NEURL1B: variants seen among roughly 807,000 people sequenced by gnomAD.
NEURL1B encodes E3 ubiquitin-protein ligase NEURL1B.
NEURL1B carries 13 observed loss-of-function variants against 37.4 expected under a neutral mutation model. The ratio of observed to expected loss-of-function variants is 0.35; its 90% CI spans 0.23 to 0.55. The LOEUF (loss-of-function observed/expected upper bound fraction) is 0.55. Ranked by LOEUF, NEURL1B falls within the 20% of genes least tolerant of loss-of-function variation. The pLI is 0.89. For synonymous variants in NEURL1B, 432 were observed against 426.6 expected, an observed-to-expected ratio of 1.01 and a Z score of -0.16; for missense variants, 790 against 879.2, an observed-to-expected ratio of 0.90 and a Z score of 1.28.
At chr5:172,651,638 T>C (rs572098268) in intron 1 of NEURL1B, among the ~76,000 whole-genome samples, 2 of 152,362 alleles carry the variant, frequency 1.3e-5, no homozygotes, top group East Asian at 3.9e-4. Flanking sequence ...GCCATCTGGC[T>C]AGTAGCCCCA....
In NEURL1B at chr5:172,688,628, T is replaced by C. The variant is rs533048889; in HGVS notation, c.*1703T>C. On this transcript the variant is annotated 3_prime_UTR_variant, in exon 5 of 5. Transcript: ENST00000369800. This position sits in a 1 kb window ranked among gnomAD's most constrained non-coding sequence, Gnocchi z 4.3. Reference sequence around the variant, plus strand: ...GAGTAATCACAGTTGTCTGACCTGATTCCAACTTAAGGTCCCCACTCTCTT... The same window carrying C: ...GAGTAATCACAGTTGTCTGACCTGACTCCAACTTAAGGTCCCCACTCTCTT... 3 of 152,366 alleles carry C rather than the reference T, an allele frequency of 2.0e-5. No homozygotes were observed. In the East Asian group the frequency reaches 5.8e-4, roughly 29 times the overall value. The allele number at this position is 152,366 out of a possible 1,614,324, so 9.4% of individuals were successfully genotyped here. A position where few individuals can be genotyped will look rare whatever the true frequency, so the allele number is the denominator to read the frequency against.
chr5:172,654,746 G>T lies in NEURL1B; in HGVS notation c.31+13309G>T, dbSNP rs568625622. The stretch of plus-strand genomic sequence containing the variant: ...GTACTGGGTTAGGGATTTTTGATAG[G>T]AAGGCTATGGGTTGTCAGTGGCCTC... On this transcript the variant is annotated intron_variant, in intron 1 of 4. Coordinates refer to ENST00000369800, the MANE Select transcript of NEURL1B (RefSeq NM_001142651.3). Among the ~76,000 whole-genome samples the T allele has an allele frequency of 2.6e-5, 4 of 152,238 alleles. No individual in the cohort carries two copies. In the East Asian group the frequency reaches 7.7e-4, roughly 29 times the overall value.
chr5:172,668,278 T>C (rs1230835696), intron 1 of NEURL1B, among the ~76,000 whole-genome samples: 1 of 152,172 alleles, frequency 6.6e-6, no homozygotes, highest in African/African-American at 2.4e-5. Flanking sequence ...TCCCTTCATA[T>C]GTGTTAAGTA....
In NEURL1B at chr5:172,686,817, CAT is replaced by C. The variant is rs1299344879; in HGVS notation, c.1561_1562del (p.Met521ValfsTer30). The C allele has an allele frequency of 4.5e-6, 7 of 1,551,888 alleles. No homozygotes were observed. Among genetic ancestry groups the C allele is most frequent in the Admixed American group, 2.0e-5 (1 of 51,062 alleles). The stretch of plus-strand genomic sequence containing the variant: ...ACACGGTCATCTACACGTGTGGACA[CAT>C]GTGCCTGTGCCACAGCTGCGGCCTG... ...VDTVIYTCGH[M>X]CLCHSCGLRL... is the part of the protein sequence containing the mutation. On this transcript the variant is annotated frameshift_variant, in exon 5 of 5. Coordinates refer to ENST00000369800, the MANE Select transcript of NEURL1B (RefSeq NM_001142651.3). LOFTEE classifies it high-confidence loss of function. This position sits in a 1 kb window ranked among gnomAD's most constrained non-coding sequence, Gnocchi z 7.9.
intron 3 of NEURL1B, among the ~76,000 whole-genome samples, chr5:172,685,238 A>G (rs549975268): frequency 1.4e-4 from 21 of 152,340 alleles, no homozygotes; most frequent in African/African-American, 5.0e-4. Flanking sequence ...ATCAGTGGTA[A>G]CAGTAACAAC....
chr5:172,684,158 T>G lies in NEURL1B; in HGVS notation c.1297+20T>G. ...TCCTCGGTGAGTCCCCGGCCCCGCG[T>G]GCGCGAGGCCCCGCCCCTCCCCCGT... On this transcript the variant is annotated intron_variant, in intron 3 of 4. Coordinates refer to ENST00000369800, the MANE Select transcript of NEURL1B (RefSeq NM_001142651.3). 6 of 1,220,270 alleles carry G rather than the reference T, an allele frequency of 4.9e-6. No homozygotes were observed. The highest frequency in any genetic ancestry group is 6.1e-6 in the Non-Finnish European group (6 of 979,590). 75.6% of individuals were successfully genotyped at this position (1,220,270 alleles called of 1,614,324 possible).
At position 172,661,526 on chromosome 5, in the gene NEURL1B, C is replaced by T. The variant is rs978655009; in HGVS notation, c.32-8259C>T. ...TCTGGGAAATCAAGGTGGTAAAACC[C>T]ACTCTGCAGAGTTTTCCTGAAGATT... On this transcript the variant is annotated intron_variant, in intron 1 of 4. Transcript: ENST00000369800. This position sits in a 1 kb window ranked among gnomAD's most constrained non-coding sequence, Gnocchi z 4.0. Among the ~76,000 whole-genome samples the T allele has an allele frequency of 5.3e-5, 8 of 152,216 alleles. No homozygotes were observed. The highest frequency in any genetic ancestry group is 5.2e-4 in the Admixed American group (8 of 15,290).
chr5:172,659,504 G>A (rs572893505), intron 1 of NEURL1B, among the ~76,000 whole-genome samples: 1 of 152,302 alleles, frequency 6.6e-6, no homozygotes, highest in South Asian at 2.1e-4. Context: ...GCCGTTGGAA[G>A]AGACATTCAA....
chr5:172,674,239 TG>T (rs1204761055), intron 2 of NEURL1B, among the ~76,000 whole-genome samples: 1 of 152,128 alleles, frequency 6.6e-6, no homozygotes, highest in African/African-American at 2.4e-5. Context: ...CTTGTGGGGC[TG>T]GGGTGTGTTT....
Position 172,687,172 on chromosome 5 carries a change from C to G in NEURL1B, c.*247C>G. On this transcript the variant is annotated 3_prime_UTR_variant, in exon 5 of 5. Transcript: ENST00000369800. ...AGCTCAGGAACTGCCTGGCAGATCA[C>G]CCTGTCCCTTGGTGACCTTTCAACT... is the stretch of plus-strand genomic sequence containing the variant. The G allele has an allele frequency of 2.1e-6, 1 of 486,928 alleles. No individual in the cohort carries two copies. Among genetic ancestry groups the G allele is most frequent in the Non-Finnish European group, 3.7e-6 (1 of 267,318 alleles). The allele number at this position is 486,928 out of a possible 1,614,324, so 30.2% of individuals were successfully genotyped here.
chr5:172,683,586 C>A lies in NEURL1B; in HGVS notation c.745C>A (p.Pro249Thr). 1 of 1,313,176 alleles carries A rather than the reference C, an allele frequency of 7.6e-7. No homozygotes were observed. Among genetic ancestry groups the A allele is most frequent in the Non-Finnish European group, 9.7e-7 (1 of 1,032,774 alleles). 81.3% of individuals were successfully genotyped at this position (1,313,176 alleles called of 1,614,324 possible). The part of the protein sequence containing the change: ...GHLALGRAPG[P>T]PPADAAAAAI... ...CCTGGCGCTGGGCCGCGCCCCGGGC[C>A]CACCGCCAGCCGACGCCGCGGCCGC... Residue 249 changes from proline to threonine, a missense_variant, in exon 3 of 5, where the codon CCA becomes ACA. Pro to Thr is a conservative substitution (Grantham distance 38). Coordinates refer to ENST00000369800, the MANE Select transcript of NEURL1B (RefSeq NM_001142651.3). This position sits in a 1 kb window ranked among gnomAD's most constrained non-coding sequence, Gnocchi z 5.6.
At chr5:172,655,350 C>T (rs1366773780) in intron 1 of NEURL1B, among the ~76,000 whole-genome samples, 1 of 152,168 alleles carries the variant, frequency 6.6e-6, no homozygotes, top group Non-Finnish European at 1.5e-5. Context: ...CTGTTTCCCT[C>T]CTTTCCCCCT....
Position 172,683,813 on chromosome 5 carries a change from C to T in NEURL1B, c.972C>T (p.Phe324=). The change falls in exon 3 of 5, where the codon TTC becomes TTT. Residue 324 remains phenylalanine, a synonymous_variant. Coordinates refer to ENST00000369800, the MANE Select transcript of NEURL1B (RefSeq NM_001142651.3). This position sits in a 1 kb window ranked among gnomAD's most constrained non-coding sequence, Gnocchi z 5.6. ...ERPLRPGESL[F]VEVGRPGLAA... ...CGCTGCGGCCCGGCGAGAGCCTCTT[C>T]GTGGAGGTGGGCCGTCCGGGGCTGG... 1 of 1,316,140 alleles carries T rather than the reference C, an allele frequency of 7.6e-7. No homozygotes were observed. The highest frequency in any genetic ancestry group is 9.7e-7 in the Non-Finnish European group (1 of 1,030,250). The allele number at this position is 1,316,140 out of a possible 1,614,324, so 81.5% of individuals were successfully genotyped here. A position where few individuals can be genotyped will look rare whatever the true frequency, so the allele number is the denominator to read the frequency against.
chr5:172,671,551 A>G (rs1758129932), intron 2 of NEURL1B, among the ~76,000 whole-genome samples: 1 of 152,206 alleles, frequency 6.6e-6, no homozygotes, highest in African/African-American at 2.4e-5. Context: ...GTGGAATCGC[A>G]CAGTATTTAT....
At chr5:172,672,223 G>A (rs1758142096) in intron 2 of NEURL1B, among the ~76,000 whole-genome samples, 1 of 152,190 alleles carries the variant, frequency 6.6e-6, no homozygotes. Context: ...CTCCAAGCTG[G>A]AGCCTACTTG....
At chr5:172,672,897 A>C (rs138829072) in intron 2 of NEURL1B, among the ~76,000 whole-genome samples, 1 of 152,220 alleles carries the variant, frequency 6.6e-6, no homozygotes, top group South Asian at 2.1e-4. Flanking sequence ...GTCACCTTTA[A>C]AAAATACATA....
In NEURL1B at chr5:172,647,498, C is replaced by T. The variant is rs1283242884; in HGVS notation, c.31+6061C>T. On this transcript the variant is annotated intron_variant, in intron 1 of 4. Transcript: ENST00000369800. The surrounding 1 kb of genome is among the most constrained non-coding windows in gnomAD (Gnocchi z 4.2). ...GGCAGAGTGAATTGGATCCCAGGCA[C>T]GCTGGGCTCCACACCCCTTCCCCTC... is the stretch of plus-strand genomic sequence containing the variant. Among the ~76,000 whole-genome samples the T allele has an allele frequency of 4.6e-5, 7 of 152,032 alleles. No individual in the cohort carries two copies. The highest frequency in any genetic ancestry group is 4.6e-4 in the Admixed American group (7 of 15,268).
At chr5:172,660,470 A>G (rs761566737) in intron 1 of NEURL1B, among the ~76,000 whole-genome samples, 2 of 151,924 alleles carry the variant, frequency 1.3e-5, no homozygotes, top group Non-Finnish European at 2.9e-5. Flanking sequence ...TTGCAAAGCA[A>G]AGGGAGCAGA....
rs1491144401 is a variant in NEURL1B at position 172,686,654 on chromosome 5, CAT to C, written c.1424-24_1424-23del. On this transcript the variant is annotated intron_variant, in intron 4 of 4. Coordinates refer to ENST00000369800, the MANE Select transcript of NEURL1B (RefSeq NM_001142651.3). The surrounding 1 kb of genome is among the most constrained non-coding windows in gnomAD (Gnocchi z 7.9). ...GCCCACCTGAGAGAGACATTGTTAA[CAT>C]ATGTCCTCTTCTCCCTTTCGGCAGT... The C allele has an allele frequency of 3.9e-6, 6 of 1,543,572 alleles. No homozygotes were observed. The African/African-American group carries it at 5.5e-5, about 14-fold the overall frequency.
Sources: gnomAD v4.1 joint callset for allele counts (sites outside exome capture counted in the v4.1 genomes callset) on GRCh38, gnomAD v4.1.1 for gene constraint, Gnocchi (gnomAD v3.1) non-coding constraint, MANE v1.5 for transcripts, NCBI Gene and HGNC (gene_info 2026-07-23, HGNC 2026-07-21) for gene names.